Variants in RABGAP1L observed in about 807,000 individuals in gnomAD.
The protein encoded by RABGAP1L is rab GTPase-activating protein 1-like.
Under a neutral mutation model 137.7 loss-of-function variants are expected in RABGAP1L, and 63 were observed. That is an observed-to-expected ratio of 0.46 (90% CI 0.37 to 0.56). The LOEUF is 0.56. RABGAP1L is among the 20% of genes least tolerant of loss of function. The pLI, the probability that RABGAP1L is intolerant of heterozygous loss-of-function variation, is 0.00. For missense variants in RABGAP1L, 1,095 were observed against 1,244.0 expected, an observed-to-expected ratio of 0.88 and a Z score of 1.80; for synonymous variants, 431 against 433.7, an observed-to-expected ratio of 0.99 and a Z score of 0.08.
intron 13 of RABGAP1L, among the ~76,000 whole-genome samples, chr1:174,427,991 G>T (rs890033379): frequency 2.6e-5 from 4 of 152,172 alleles, no homozygotes; most frequent in Non-Finnish European, 2.9e-5. Flanking sequence ...GGTCCCTGCA[G>T]TACGGTCTTT....
At chr1:174,485,177 T>C (rs1659505451) in intron 13 of RABGAP1L, among the ~76,000 whole-genome samples, 2 of 152,218 alleles carry the variant, frequency 1.3e-5, no homozygotes, top group Admixed American at 6.5e-5. Flanking sequence ...AAATGGTTTT[T>C]GTATGTTGAT....
intron 13 of RABGAP1L, among the ~76,000 whole-genome samples, chr1:174,431,912 A>T (rs372149977): frequency 2.0e-5 from 3 of 151,784 alleles, no homozygotes; most frequent in Admixed American, 6.6e-5. Context: ...GAGTAAAACA[A>T]TTTTTTTTTA....
intron 19 of RABGAP1L, among the ~76,000 whole-genome samples, chr1:174,952,292 T>A (rs1667824074): frequency 7.3e-6 from 1 of 137,158 alleles, no homozygotes; most frequent in South Asian, 2.2e-4. Context: ...GCTTGAGCCT[T>A]GGATTTTGAG....
At chr1:174,800,085 G>A in intron 18 of RABGAP1L, 10 of 1,301,390 alleles carry the variant, frequency 7.7e-6, no homozygotes, top group Non-Finnish European at 9.8e-6. Context: ...GCATTCGATT[G>A]CTTTTGCCGT....
intron 13 of RABGAP1L, among the ~76,000 whole-genome samples, chr1:174,551,735 C>T (rs944303831): frequency 2.7e-5 from 4 of 149,064 alleles, no homozygotes; most frequent in Admixed American, 2.0e-4. Flanking sequence ...AGAGAAAAAC[C>T]ATGAAACAAA....
chr1:174,307,159 C>T (rs1339573005), intron 11 of RABGAP1L, among the ~76,000 whole-genome samples: 2 of 152,162 alleles, frequency 1.3e-5, no homozygotes, highest in African/African-American at 4.8e-5. Flanking sequence ...TTGCTAAGCT[C>T]ACTCAGCTTA....
chr1:174,694,545 C>T (rs1193580645), intron 15 of RABGAP1L, among the ~76,000 whole-genome samples: 7 of 151,548 alleles, frequency 4.6e-5, no homozygotes, highest in Non-Finnish European at 8.9e-5. Flanking sequence ...TTTTTTATGG[C>T]TGCATAGTAT....
chr1:174,817,975 CAA>C (rs778691539), intron 19 of RABGAP1L, among the ~76,000 whole-genome samples: 2 of 152,142 alleles, frequency 1.3e-5, no homozygotes, highest in Non-Finnish European at 2.9e-5. Context: ...AGGAAACAAA[CAA>C]GAGAACAAAT....
rs564716626 is a variant in RABGAP1L, at chr1:174,972,726, C to T, written c.2544+3339C>T. On this transcript the variant is annotated intron_variant, in intron 21 of 25. Coordinates refer to ENST00000681986, the MANE Select transcript of RABGAP1L (RefSeq NM_001366446.1). ...AAAATTAGCCAGGTGTGGCGGCATG[C>T]GCCCGTAATCCCAGCTACTAGGGAG... 1.6e-4 allele frequency among the ~76,000 whole-genome samples: 24 copies of T among 151,900 alleles called. No homozygotes were observed. The East Asian group carries it at 1.7e-3, about 11-fold the overall frequency.
intron 13 of RABGAP1L, among the ~76,000 whole-genome samples, chr1:174,474,511 A>C (rs1374202844): frequency 6.6e-6 from 1 of 152,170 alleles, no homozygotes; most frequent in African/African-American, 2.4e-5. Context: ...GTATAACTGA[A>C]ATAATGTGAA....
chr1:174,329,937 T>C (rs1680878752), intron 11 of RABGAP1L, among the ~76,000 whole-genome samples: 1 of 141,392 alleles, frequency 7.1e-6, no homozygotes, highest in Non-Finnish European at 1.5e-5. Context: ...ATAATAAAGC[T>C]TTGGTCTCCT....
intron 1 of RABGAP1L, among the ~76,000 whole-genome samples, chr1:174,190,502 T>C (rs1667140931): frequency 1.3e-5 from 2 of 152,222 alleles, no homozygotes; most frequent in South Asian, 4.1e-4. Flanking sequence ...TTTCATACTT[T>C]TCTTCTGCGG....
chr1:174,780,719 C>G (rs867262740), intron 18 of RABGAP1L, among the ~76,000 whole-genome samples: 3 of 118,054 alleles, frequency 2.5e-5, no homozygotes, highest in South Asian at 3.7e-4. Context: ...CCCTCCCCCC[C>G]ACCCCCCCAC....
rs1191148404 is a variant in RABGAP1L at position 174,489,114 on chromosome 1, A to G, written c.1710+94969A>G. 2.0e-5 allele frequency among the ~76,000 whole-genome samples: 3 copies of G among 152,152 alleles called. No homozygotes were observed. The East Asian group carries it at 5.8e-4, about 29-fold the overall frequency. On this transcript the variant is annotated intron_variant, in intron 13 of 25. Transcript: ENST00000681986. ...ACATGATTCCATTCAGGACATAGGC[A>G]TGGGCAAGGACTTCATGACTAAAAC...
At position 174,629,557 on chromosome 1, in the gene RABGAP1L, C is replaced by T. The variant is rs1460099872; in HGVS notation, c.1711-7818C>T. On this transcript the variant is annotated intron_variant, in intron 13 of 25. Coordinates refer to ENST00000681986, the MANE Select transcript of RABGAP1L (RefSeq NM_001366446.1). Reference sequence around the variant, plus strand: ...ATTTTAATTAATTTTTTTTTTGAGACGGAGTCTCGCTCTGTCGCCCAGTGG... The same window carrying T: ...ATTTTAATTAATTTTTTTTTTGAGATGGAGTCTCGCTCTGTCGCCCAGTGG... 3.3e-5 allele frequency among the ~76,000 whole-genome samples: 5 copies of T among 151,924 alleles called. No individual in the cohort carries two copies. The East Asian group carries it at 7.7e-4, about 23-fold the overall frequency.
chr1:174,484,826 G>A (rs1244201820), intron 13 of RABGAP1L, among the ~76,000 whole-genome samples: 1 of 152,048 alleles, frequency 6.6e-6, no homozygotes, highest in Non-Finnish European at 1.5e-5. Context: ...GGATAACTTT[G>A]GCTATTCTGA....
intron 11 of RABGAP1L, among the ~76,000 whole-genome samples, chr1:174,333,211 G>A (rs547100396): frequency 1.3e-5 from 2 of 152,292 alleles, no homozygotes; most frequent in African/African-American, 2.4e-5. Context: ...TGGGTACAGT[G>A]TTACAGTTAG....
In RABGAP1L at chr1:174,606,253, A is replaced by C. The variant is rs563505561; in HGVS notation, c.1711-31122A>C. 1.8e-4 allele frequency among the ~76,000 whole-genome samples: 28 copies of C among 152,324 alleles called. No homozygotes were observed. The South Asian group carries it at 2.3e-3, about 12-fold the overall frequency. ...AATAATTACAAATGGCTAAGTGTAG[A>C]TGTTAATTGTTTAAAATATGCAACT... is the stretch of plus-strand genomic sequence containing the variant. On this transcript the variant is annotated intron_variant, in intron 13 of 25. Coordinates refer to ENST00000681986, the MANE Select transcript of RABGAP1L (RefSeq NM_001366446.1).
intron 17 of RABGAP1L, among the ~76,000 whole-genome samples, chr1:174,737,480 C>T (rs1260319521): frequency 1.3e-5 from 2 of 152,118 alleles, no homozygotes; most frequent in Non-Finnish European, 2.9e-5. Context: ...AGCATTGTGG[C>T]CACAATCACC....
Sources: gnomAD v4.1 joint callset for allele counts (sites outside exome capture counted in the v4.1 genomes callset) on GRCh38, gnomAD v4.1.1 for gene constraint, MANE v1.5 for transcripts, NCBI Gene and HGNC (gene_info 2026-07-23, HGNC 2026-07-21) for gene names.